The following RUVBL1 variants were observed in gnomAD, a reference collection of about 807,000 sequenced individuals.
RUVBL1 encodes RuvB like AAA ATPase 1.
In RUVBL1, 4 loss-of-function variants were observed where a neutral mutation model predicts 52.4. The observed-to-expected ratio is 0.08, with a 90% CI of 0.04 to 0.17. The LOEUF (loss-of-function observed/expected upper bound fraction) is 0.17. Ranked by LOEUF, RUVBL1 falls within the 10% of genes least tolerant of loss-of-function variation. The pLI is 1.00. For synonymous variants in RUVBL1, 217 were observed against 214.4 expected (o/e 1.01, Z -0.10); for missense variants, 298 against 572.8 (o/e 0.52, Z 4.90).
At chr3:128,065,963 C>T (rs1941965678) in intron 9 of RUVBL1, among the ~76,000 whole-genome samples, 2 of 151,740 alleles carry the variant, frequency 1.3e-5, no homozygotes, top group Non-Finnish European at 2.9e-5. Flanking sequence ...AGGATGGTCT[C>T]GATCTCCTGA....
intron 9 of RUVBL1, chr3:128,083,453 A>G (rs1942541676): frequency 6.6e-6 from 1 of 152,174 alleles, no homozygotes; most frequent in African/African-American, 2.4e-5. Context: ...GAGGGAGGAG[A>G]GCCAGAGGTT....
chr3:128,072,671 G>A (rs771908647), intron 9 of RUVBL1, among the ~76,000 whole-genome samples: 11 of 152,210 alleles, frequency 7.2e-5, no homozygotes, highest in Non-Finnish European at 1.5e-4. Context: ...CCAGCCAGGC[G>A]CTGTGAATTG....
Position 128,082,768 on chromosome 3 carries a change from T to TGCAGTATGCATGAATA in RUVBL1, c.1120-210_1120-195dup. ...ACCCTCCAGGAGGCATGTGCGGCCC[T>TGCAGTATGCATGAATA]GCAGTATGCATGAATAGCATCACGG... On this transcript the variant is annotated intron_variant, in intron 9 of 10. Transcript: ENST00000322623. The surrounding 1 kb of genome is among the most constrained non-coding windows in gnomAD (Gnocchi z 4.7). The TGCAGTATGCATGAATA allele has an allele frequency of 1.9e-6, 1 of 531,802 alleles. No homozygotes were observed. Among genetic ancestry groups the TGCAGTATGCATGAATA allele is most frequent in the South Asian group, 2.1e-5 (1 of 48,482 alleles). 32.9% of individuals were successfully genotyped at this position (531,802 alleles called of 1,614,324 possible). A position where few individuals can be genotyped will look rare whatever the true frequency, so the allele number is the denominator to read the frequency against.
At chr3:128,104,670 T>C (rs1943182156) in intron 4 of RUVBL1, 103 bp downstream of exon 4, 1 of 976,918 alleles carries the variant, frequency 1.0e-6, no homozygotes, top group East Asian at 2.6e-5. Context: ...ATACCTGCAG[T>C]GCACAGGTCA....
chr3:128,091,831 G>T (rs1022945378), intron 8 of RUVBL1, among the ~76,000 whole-genome samples: 1 of 152,172 alleles, frequency 6.6e-6, no homozygotes, highest in African/African-American at 2.4e-5. Context: ...AATGTCTCCA[G>T]ACATTGCTAC....
intron 1 of RUVBL1, among the ~76,000 whole-genome samples, chr3:128,148,584 TG>T (rs1944138347): frequency 6.6e-6 from 1 of 152,130 alleles, no homozygotes; most frequent in African/African-American, 2.4e-5. Flanking sequence ...AACCTGAATT[TG>T]GGAGTCAATG....
chr3:128,112,767 C>T, intron 3 of RUVBL1, 121 bp downstream of exon 3: 1 of 1,181,000 alleles, frequency 8.5e-7, no homozygotes, highest in Non-Finnish European at 1.2e-6. Flanking sequence ...TACTAAGTGC[C>T]AAAAGAAAAA....
At chr3:128,066,166 T>C (rs529858342) in intron 9 of RUVBL1, among the ~76,000 whole-genome samples, 1 of 152,270 alleles carries the variant, frequency 6.6e-6, no homozygotes, top group Admixed American at 6.5e-5. Context: ...CTAGAAAAGT[T>C]TAGCTTTTCT....
chr3:128,105,269 G>A (rs574583014), intron 3 of RUVBL1, among the ~76,000 whole-genome samples: 58 of 151,820 alleles, frequency 3.8e-4, no homozygotes, highest in Middle Eastern at 3.4e-3. Flanking sequence ...ACAGGCGCCC[G>A]CCACCACGCC....
At chr3:128,077,424 C>T (rs887625535), downstream of RUVBL1, among the ~76,000 whole-genome samples, 2 of 152,204 alleles carry the variant, frequency 1.3e-5, no homozygotes, top group Non-Finnish European at 2.9e-5. Flanking sequence ...AGAGGAACTT[C>T]TGTGTGGAGA....
Position 128,082,046 on chromosome 3 carries a change from C to T in RUVBL1, c.1211+437G>A, listed in dbSNP as rs1942490850. ...TATGTCTGCGCTCCTCCCTGGCTCTCCATATCCACCACCCAGACATTTTTT... is the reference window on the plus strand; with the variant it reads ...TATGTCTGCGCTCCTCCCTGGCTCTTCATATCCACCACCCAGACATTTTTT... On this transcript the variant is annotated intron_variant, in intron 10 of 10. Transcript: ENST00000322623. This position sits in a 1 kb window ranked among gnomAD's most constrained non-coding sequence, Gnocchi z 4.7. 4.0e-5 allele frequency: 7 copies of T among 176,992 alleles called. 1 individual carries two copies. In the South Asian group the frequency reaches 6.8e-4, roughly 17 times the overall value. 11.0% of individuals were successfully genotyped at this position (176,992 alleles called of 1,614,324 possible).
At chr3:128,087,383 C>A (rs949659586) in intron 9 of RUVBL1, among the ~76,000 whole-genome samples, 1 of 152,228 alleles carries the variant, frequency 6.6e-6, no homozygotes, top group Non-Finnish European at 1.5e-5. Flanking sequence ...GAGCTGGTAG[C>A]CTCCCTAATG....
At chr3:128,109,122 G>A (rs1943316611) in intron 3 of RUVBL1, among the ~76,000 whole-genome samples, 2 of 152,206 alleles carry the variant, frequency 1.3e-5, no homozygotes, top group South Asian at 2.1e-4. Flanking sequence ...AAGGGGTTGT[G>A]ACCAGGGAGG....
intron 9 of RUVBL1, among the ~76,000 whole-genome samples, chr3:128,073,942 T>G (rs535676528): frequency 6.6e-6 from 1 of 152,320 alleles, no homozygotes; most frequent in South Asian, 2.1e-4. Flanking sequence ...CTCCAAGATA[T>G]GCTGTCAAGG....
In RUVBL1 at chr3:128,081,057, A is replaced by G; in HGVS notation, c.*193T>C. 1 of 537,710 alleles carries G rather than the reference A, an allele frequency of 1.9e-6. No individual in the cohort carries two copies. Among genetic ancestry groups the G allele is most frequent in the Non-Finnish European group, 3.3e-6 (1 of 306,524 alleles). 33.3% of individuals were successfully genotyped at this position (537,710 alleles called of 1,614,324 possible). ...TTTATAGAAAACACACCAGGTAAGG[A>G]AGGGTTCTTTCAAAGCAACCACAGG... On this transcript the variant is annotated 3_prime_UTR_variant, in exon 11 of 11. Transcript: ENST00000322623. The surrounding 1 kb of genome is among the most constrained non-coding windows in gnomAD (Gnocchi z 4.8).
At chr3:128,105,412 C>A (rs901910271) in intron 3 of RUVBL1, among the ~76,000 whole-genome samples, 3 of 152,096 alleles carry the variant, frequency 2.0e-5, no homozygotes, top group Non-Finnish European at 4.4e-5. Context: ...AGCCACCACA[C>A]CCGGCCTAGA....
At chr3:128,125,004 C>CTTTT (rs1173491226), upstream of RUVBL1, among the ~76,000 whole-genome samples, 1 of 77,576 alleles carries the variant, frequency 1.3e-5, no homozygotes, top group Non-Finnish European at 2.8e-5. Flanking sequence ...TCTCACACCG[C>CTTTT]CTTTTTTTTT....
exon 1 of RUVBL1, chr3:128,153,796 G>A (rs1233227487): frequency 2.0e-6 from 3 of 1,524,668 alleles, no homozygotes; most frequent in Non-Finnish European, 2.6e-6. Flanking sequence ...CCCCGGGCAC[G>A]CCTCCCTCAT....
chr3:128,073,058 G>A (rs1942214597), intron 9 of RUVBL1, among the ~76,000 whole-genome samples: 1 of 152,198 alleles, frequency 6.6e-6, no homozygotes. Flanking sequence ...TGAGGCCCAG[G>A]GAAATAGAGT....
Sources: allele counts gnomAD v4.1 joint callset (sites outside exome capture counted in the v4.1 genomes callset), GRCh38; gene constraint gnomAD v4.1.1; non-coding constraint Gnocchi (gnomAD v3.1); transcripts MANE v1.5; gene names NCBI Gene and HGNC (gene_info 2026-07-23, HGNC 2026-07-21).